The following ST3GAL4 variants were observed in gnomAD, a reference collection of about 807,000 sequenced individuals.
ST3GAL4 encodes ST3 beta-galactoside alpha-2,3-sialyltransferase 4, also known as CMP-N-acetylneuraminate-beta-galactosamide-alpha-2,3-sialyltransferase 4.
Under a neutral mutation model 42.6 loss-of-function variants are expected in ST3GAL4, and 24 were observed. The observed-to-expected ratio is 0.56, with a 90% CI of 0.41 to 0.79. ST3GAL4 has a LOEUF of 0.79. Ranked by LOEUF, ST3GAL4 falls within the 30% of genes least tolerant of loss-of-function variation. The pLI, the probability that ST3GAL4 is intolerant of heterozygous loss-of-function variation, is 0.00. For synonymous variants in ST3GAL4, 135 were observed against 163.2 expected (o/e 0.83, Z 1.32); for missense variants, 311 against 430.8 (o/e 0.72, Z 2.46).
chr11:126,369,879 GTAATTCTT>G (rs2135403209), intron 1 of ST3GAL4, among the ~76,000 whole-genome samples: 1 of 152,318 alleles, frequency 6.6e-6, no homozygotes, highest in African/African-American at 2.4e-5. Flanking sequence ...GAATATGCAT[GTAATTCTT>G]TTGTGAAAGT....
chr11:126,401,578 GA>G (rs373164060), intron 1 of ST3GAL4, among the ~76,000 whole-genome samples: 4,060 of 139,786 alleles, frequency 0.029, 171 homozygotes, highest in African/African-American at 0.099. Context: ...AGAAGAAGAA[GA>G]AAAAAAAAAA....
Position 126,411,026 on chromosome 11 carries a change from A to C in ST3GAL4, c.771+1615A>C, listed in dbSNP as rs1365327680. On this transcript the variant is annotated intron_variant, in intron 9 of 10. Transcript: ENST00000444328. The surrounding 1 kb of genome is among the most constrained non-coding windows in gnomAD (Gnocchi z 6.3). Reference sequence around the variant, plus strand: ...GCGTTGAAGGGCAACAAGGAGTTTCATGCCATTCATAGGATTACAGATGGA... The same window carrying C: ...GCGTTGAAGGGCAACAAGGAGTTTCCTGCCATTCATAGGATTACAGATGGA... 6.6e-6 allele frequency among the ~76,000 whole-genome samples: 1 copy of C among 152,210 alleles called. No individual in the cohort carries two copies. Among genetic ancestry groups the C allele is most frequent in the African/African-American group, 2.4e-5 (1 of 41,444 alleles).
In ST3GAL4 at chr11:126,406,321, G is replaced by A; in HGVS notation, c.16+150G>A. ...CTTGAAGGACAGTGGGTACAATCAG[G>A]GTCAAGCCCTCAGCCAGGGCCAGGA... On this transcript the variant is annotated intron_variant, in intron 2 of 10. Coordinates refer to ENST00000444328, the MANE Select transcript of ST3GAL4 (RefSeq NM_001254757.2). This position sits in a 1 kb window ranked among gnomAD's most constrained non-coding sequence, Gnocchi z 5.4. The A allele has an allele frequency of 6.5e-7, 1 of 1,539,520 alleles. No homozygotes were observed. Among genetic ancestry groups the A allele is most frequent in the Non-Finnish European group, 8.8e-7 (1 of 1,141,684 alleles).
At position 126,413,544 on chromosome 11, in the gene ST3GAL4, C is replaced by T; in HGVS notation, c.811C>T (p.His271Tyr). The change falls in exon 10 of 11, where the codon CAC becomes TAC. Residue 271 changes from histidine (H) to tyrosine (Y), a missense_variant. By Grantham distance (83) the His-to-Tyr change is moderately conservative. Coordinates refer to ENST00000444328, the MANE Select transcript of ST3GAL4 (RefSeq NM_001254757.2). ...CCTGTTGGCCATCACGCTGGCCCTC[C>T]ACCTCTGTGACTTGGTGCACATTGC... ...TGLLAITLAL[H>Y]LCDLVHIAGF... 1.2e-6 allele frequency: 2 copies of T among 1,614,252 alleles called. No homozygotes were observed. Among genetic ancestry groups the T allele is most frequent in the Non-Finnish European group, 1.7e-6 (2 of 1,180,056 alleles).
At position 126,409,323 on chromosome 11, in the gene ST3GAL4, A is replaced by G. The variant is rs756748838; in HGVS notation, c.683A>G (p.Gln228Arg). The G allele has an allele frequency of 1.9e-6, 3 of 1,614,262 alleles. No individual in the cohort carries two copies. The highest frequency in any genetic ancestry group is 3.3e-5 in the Admixed American group (2 of 60,034). The change falls in exon 9 of 11, where the codon CAG (glutamine) becomes CGG (arginine). Residue 228 changes from glutamine to arginine, a missense_variant. By Grantham distance (43) the Gln-to-Arg change is conservative. Coordinates refer to ENST00000444328, the MANE Select transcript of ST3GAL4 (RefSeq NM_001254757.2). This position sits in a 1 kb window ranked among gnomAD's most constrained non-coding sequence, Gnocchi z 4.9. ...PPLIWDVNPK[Q>R]IRILNPFFME... is the part of the protein sequence containing the mutation. ...CTCATCTGGGATGTCAATCCTAAAC[A>G]GATTCGGATTCTCAACCCCTTCTTC...
In ST3GAL4 at chr11:126,397,816, A is replaced by G. The variant is rs1024172293; in HGVS notation, c.-60-8280A>G. 6.6e-6 allele frequency among the ~76,000 whole-genome samples: 1 copy of G among 152,190 alleles called. No homozygotes were observed. Among genetic ancestry groups the G allele is most frequent in the African/African-American group, 2.4e-5 (1 of 41,448 alleles). On this transcript the variant is annotated intron_variant, in intron 1 of 10. Coordinates refer to ENST00000444328, the MANE Select transcript of ST3GAL4 (RefSeq NM_001254757.2). This position sits in a 1 kb window ranked among gnomAD's most constrained non-coding sequence, Gnocchi z 5.0. Reference sequence around the variant, plus strand: ...CAGGAAGGGGCCTAATTGTCCTTTTATAAGGAACCCACTCCTGTAATAATG... The same window carrying G: ...CAGGAAGGGGCCTAATTGTCCTTTTGTAAGGAACCCACTCCTGTAATAATG...
intron 1 of ST3GAL4, among the ~76,000 whole-genome samples, chr11:126,401,693 A>T (rs1381387156): frequency 6.6e-6 from 1 of 152,222 alleles, no homozygotes; most frequent in Non-Finnish European, 1.5e-5. Flanking sequence ...GGCCAACAAC[A>T]TCAAAGGCCT....
intron 1 of ST3GAL4, among the ~76,000 whole-genome samples, chr11:126,401,966 C>T (rs1954014956): frequency 6.6e-6 from 1 of 151,500 alleles, no homozygotes; most frequent in Non-Finnish European, 1.5e-5. Context: ...GAGACTTGAG[C>T]ATGTTTATAA....
Position 126,408,130 on chromosome 11 carries a change from A to T in ST3GAL4, c.373A>T (p.Asn125Tyr), listed in dbSNP as rs762837490. 6.2e-7 allele frequency: 1 copy of T among 1,614,068 alleles called. No homozygotes were observed. Residue 125 changes from asparagine (N) to tyrosine (Y), a missense_variant, in exon 7 of 11, where the codon AAC (asparagine) becomes TAC (tyrosine). By Grantham distance (143) the Asn-to-Tyr change is moderately radical. Transcript: ENST00000444328. ...LRCRRCVVVG[N>Y]GHRLRNSSLG... ...GTGCCGCCGCTGTGTGGTCGTGGGGAACGGGCACCGGCTGCGGAACAGCTC... is the reference window on the plus strand; with the variant it reads ...GTGCCGCCGCTGTGTGGTCGTGGGGTACGGGCACCGGCTGCGGAACAGCTC...
rs551198677 is a variant in ST3GAL4, at chr11:126,359,656, C to T, written c.-61+3814C>T. ...GCTCTCCCGAACCCCACATCCCGGC[C>T]GGGCCGTACCCTGAGCACACGCTTG... is the stretch of plus-strand genomic sequence containing the variant. On this transcript the variant is annotated intron_variant, in intron 1 of 10. Coordinates refer to ENST00000444328, the MANE Select transcript of ST3GAL4 (RefSeq NM_001254757.2). This position sits in a 1 kb window ranked among gnomAD's most constrained non-coding sequence, Gnocchi z 4.8. 2.0e-5 allele frequency among the ~76,000 whole-genome samples: 3 copies of T among 152,304 alleles called. No homozygotes were observed. The highest frequency in any genetic ancestry group is 2.1e-4 in the South Asian group (1 of 4,824).
Position 126,396,544 on chromosome 11 carries a change from G to T in ST3GAL4, c.-60-9552G>T, listed in dbSNP as rs943339099. Among the ~76,000 whole-genome samples the T allele has an allele frequency of 6.6e-6, 1 of 151,942 alleles. No individual in the cohort carries two copies. The highest frequency in any genetic ancestry group is 1.5e-5 in the Non-Finnish European group (1 of 68,024). ...CTGTGGGGGCTAGAGACTGTGTCTC[G>T]TGCGGAAGCGTGGCTGAGAAGGGGC... On this transcript the variant is annotated intron_variant, in intron 1 of 10. Transcript: ENST00000444328. The surrounding 1 kb of genome is among the most constrained non-coding windows in gnomAD (Gnocchi z 5.8).
intron 1 of ST3GAL4, among the ~76,000 whole-genome samples, chr11:126,361,615 G>T (rs190456860): frequency 8.9e-4 from 136 of 152,086 alleles, no homozygotes; most frequent in Non-Finnish European, 1.7e-3. Context: ...TCCTCCCCCT[G>T]CGTTCTCCAC....
chr11:126,368,964 A>G (rs538273036), intron 1 of ST3GAL4, among the ~76,000 whole-genome samples: 2 of 152,194 alleles, frequency 1.3e-5, no homozygotes, highest in Admixed American at 1.3e-4. Flanking sequence ...CAGAGCATAC[A>G]GTTTGGCAAG....
intron 1 of ST3GAL4, among the ~76,000 whole-genome samples, chr11:126,404,682 CTT>C (rs1954150861): frequency 6.6e-6 from 1 of 152,218 alleles, no homozygotes; most frequent in South Asian, 2.1e-4. Flanking sequence ...AAACTGATCA[CTT>C]TTCTTTACTG....
rs564478023 is a variant in ST3GAL4, at chr11:126,368,023, C to T, written c.-61+12181C>T. Among the ~76,000 whole-genome samples the T allele has an allele frequency of 7.5e-4, 114 of 151,956 alleles. 3 individuals carry two copies. In the South Asian group the frequency reaches 0.023, roughly 31 times the overall value. The stretch of plus-strand genomic sequence containing the variant: ...ATTAGCTGGACATAATGGCGCGCGC[C>T]TGTGATCCCAGCTACTTGGGAGGCT... On this transcript the variant is annotated intron_variant, in intron 1 of 10. Coordinates refer to ENST00000444328, the MANE Select transcript of ST3GAL4 (RefSeq NM_001254757.2).
chr11:126,402,381 G>A (rs1472044207), intron 1 of ST3GAL4, among the ~76,000 whole-genome samples: 1 of 151,660 alleles, frequency 6.6e-6, no homozygotes, highest in Non-Finnish European at 1.5e-5. Flanking sequence ...ATTTGAACCT[G>A]GGAGGTGGAG....
rs917769563 is a variant in ST3GAL4 at position 126,398,665 on chromosome 11, C to T, written c.-60-7431C>T. ...CTCCCTGGTGGTGGCTCTGACCCTG[C>T]AACCAGTCTCTGCCTGGGTCCCGAG... On this transcript the variant is annotated intron_variant, in intron 1 of 10. Coordinates refer to ENST00000444328, the MANE Select transcript of ST3GAL4 (RefSeq NM_001254757.2). This position sits in a 1 kb window ranked among gnomAD's most constrained non-coding sequence, Gnocchi z 4.7. Among the ~76,000 whole-genome samples the T allele has an allele frequency of 2.6e-5, 4 of 152,244 alleles. No individual in the cohort carries two copies. The highest frequency in any genetic ancestry group is 7.2e-5 in the African/African-American group (3 of 41,466).
In ST3GAL4 at chr11:126,411,270, C is replaced by T. The variant is rs1431309333; in HGVS notation, c.771+1859C>T. 6.6e-6 allele frequency among the ~76,000 whole-genome samples: 1 copy of T among 151,880 alleles called. No individual in the cohort carries two copies. The highest frequency in any genetic ancestry group is 2.4e-5 in the African/African-American group (1 of 41,332). On this transcript the variant is annotated intron_variant, in intron 9 of 10. Transcript: ENST00000444328. The surrounding 1 kb of genome is among the most constrained non-coding windows in gnomAD (Gnocchi z 6.3). Reference sequence around the variant, plus strand: ...AAGTGATTCTCCTGCCTCAGCCTCCCAAGTAGCTGGGATTACAGGCATGTA... The same window carrying T: ...AAGTGATTCTCCTGCCTCAGCCTCCTAAGTAGCTGGGATTACAGGCATGTA...
chr11:126,356,772 G>A (rs1470142035), intron 1 of ST3GAL4, among the ~76,000 whole-genome samples: 2 of 152,228 alleles, frequency 1.3e-5, no homozygotes, highest in Non-Finnish European at 2.9e-5. Flanking sequence ...CACCGCCGGA[G>A]GCGGGTACCG....
Sources: allele counts gnomAD v4.1 joint callset (sites outside exome capture counted in the v4.1 genomes callset), GRCh38; gene constraint gnomAD v4.1.1; non-coding constraint Gnocchi (gnomAD v3.1); transcripts MANE v1.5; gene names NCBI Gene and HGNC (gene_info 2026-07-23, HGNC 2026-07-21).